CHRNB4: variants seen among roughly 807,000 people sequenced by gnomAD.
The protein encoded by CHRNB4 is cholinergic receptor nicotinic beta 4 subunit.
In CHRNB4, 23 loss-of-function variants were observed where a neutral mutation model predicts 40.4. The ratio of observed to expected loss-of-function variants is 0.57; its 90% confidence interval spans 0.41 to 0.81. The LOEUF is 0.81. CHRNB4 is among the 30% of genes least tolerant of loss of function. The pLI is 0.00. For missense variants in CHRNB4, 568 were observed against 670.6 expected (o/e 0.85, Z 1.69); for synonymous variants, 285 against 274.4 (o/e 1.04, Z -0.38).
Position 78,651,451 on chromosome 15 carries a change from G to A in CHRNB4, c.-16+1127C>T, listed in dbSNP as rs74574746. On this transcript the variant is annotated intron_variant and NMD_transcript_variant, in intron 6 of 11. Transcript: ENST00000559849. The stretch of plus-strand genomic sequence containing the variant: ...ACCCTAAGTCTACCATAGGCATTTT[G>A]TGCAGATCCACAGATGTGGGAGCTC... Among the ~76,000 whole-genome samples, 1,656 of 152,260 alleles carry A rather than the reference G, an allele frequency of 0.011. 218 individuals are homozygous for A. In the East Asian group the frequency reaches 0.28, roughly 26 times the overall value.
chr15:78,653,506 G>A (rs554104390), intron 5 of CHRNB4, among the ~76,000 whole-genome samples: 15 of 152,294 alleles, frequency 9.8e-5, no homozygotes, highest in African/African-American at 3.1e-4. Flanking sequence ...GCCAGGCAAA[G>A]GCTGGCAGTG....
chr15:78,634,348 G>A (rs2053899950), intron 2 of CHRNB4, among the ~76,000 whole-genome samples: 1 of 152,222 alleles, frequency 6.6e-6, no homozygotes, highest in Admixed American at 6.5e-5. Context: ...AACTCATTAA[G>A]CAAGAAGCCC....
At chr15:78,644,147 A>G (rs568547745), upstream of CHRNB4, among the ~76,000 whole-genome samples, 3 of 151,554 alleles carry the variant, frequency 2.0e-5, no homozygotes, top group Admixed American at 2.0e-4. Flanking sequence ...TGGGTGACAG[A>G]GCGAGACTCT....
At chr15:78,651,429 C>T (rs2054170832) in intron 6 of CHRNB4, among the ~76,000 whole-genome samples, 1 of 152,196 alleles carries the variant, frequency 6.6e-6, no homozygotes, top group Non-Finnish European at 1.5e-5. Flanking sequence ...TGCACTGACC[C>T]TAAGTCTACC....
chr15:78,635,166 C>A (rs2053920607), intron 2 of CHRNB4, among the ~76,000 whole-genome samples: 1 of 152,166 alleles, frequency 6.6e-6, no homozygotes, highest in Non-Finnish European at 1.5e-5. Flanking sequence ...GCTGGAGACC[C>A]AGCTGAGCAG....
Position 78,629,425 on chromosome 15 carries a change from G to A in CHRNB4, c.880C>T (p.Leu294Phe), listed in dbSNP as rs761763233. ...GTGAACATGAGGTACTTGCCGATGA[G>A]AGGCACATCGAGGGAGGTGGGTGGC... is the stretch of plus-strand genomic sequence containing the variant. ...IVPPTSLDVP[L>F]IGKYLMFTMV... Residue 294 changes from leucine (L) to phenylalanine (F), a missense_variant, in exon 5 of 6, where the codon CTC becomes TTC. Leu to Phe is a conservative substitution (Grantham distance 22). Coordinates refer to ENST00000261751, the MANE Select transcript of CHRNB4 (RefSeq NM_000750.5). This position sits in a 1 kb window ranked among gnomAD's most constrained non-coding sequence, Gnocchi z 6.8. The A allele has an allele frequency of 1.9e-6, 3 of 1,614,166 alleles. No individual in the cohort carries two copies. The African/African-American group carries it at 4.0e-5, about 22-fold the overall frequency.
chr15:78,625,132 C>T lies in CHRNB4; in HGVS notation c.*1G>A, dbSNP rs1400954703. Reference sequence around the variant, plus strand: ...CTCTCACCCCACAACCCAGGGGGCCCTCAGTCACGCTGGGCAGCGTAGGGC... The same window carrying T: ...CTCTCACCCCACAACCCAGGGGGCCTTCAGTCACGCTGGGCAGCGTAGGGC... On this transcript the variant is annotated 3_prime_UTR_variant, in exon 6 of 6. Coordinates refer to ENST00000261751, the MANE Select transcript of CHRNB4 (RefSeq NM_000750.5). 2.5e-6 allele frequency: 4 copies of T among 1,613,986 alleles called. No homozygotes were observed. The highest frequency in any genetic ancestry group is 1.7e-5 in the Admixed American group (1 of 60,010).
chr15:78,660,781 C>T, upstream of CHRNB4: 1 of 232,556 alleles, frequency 4.3e-6, no homozygotes, highest in Non-Finnish European at 8.5e-6. Context: ...GGGCCCAGGC[C>T]CTACTCCCGA....
intron 5 of CHRNB4, among the ~76,000 whole-genome samples, chr15:78,655,246 C>A (rs1052187260): frequency 2.7e-5 from 4 of 150,936 alleles, no homozygotes; most frequent in Admixed American, 1.3e-4. Flanking sequence ...CTTGCTCTGT[C>A]ACCTAGACTG....
chr15:78,653,046 G>C (rs1273255160), intron 5 of CHRNB4, among the ~76,000 whole-genome samples: 1 of 152,124 alleles, frequency 6.6e-6, no homozygotes, highest in East Asian at 1.9e-4. Context: ...CGCTCATAGG[G>C]TTGGTCTGAG....
Position 78,624,561 on chromosome 15 carries a change from T to C in CHRNB4, c.*572A>G. The stretch of plus-strand genomic sequence containing the variant: ...AGGTGGGTCATTTGAGGTCAGGAGT[T>C]CGAAATCAGCCTGGCCAACAAAAAT... On this transcript the variant is annotated 3_prime_UTR_variant, in exon 6 of 6. Coordinates refer to ENST00000261751, the MANE Select transcript of CHRNB4 (RefSeq NM_000750.5). 1 of 160,244 alleles carries C rather than the reference T, an allele frequency of 6.2e-6. No individual in the cohort carries two copies. The allele number at this position is 160,244 out of a possible 1,614,324, so 9.9% of individuals were successfully genotyped here.
chr15:78,644,851 C>T (rs1400340210), upstream of CHRNB4, among the ~76,000 whole-genome samples: 2 of 152,138 alleles, frequency 1.3e-5, no homozygotes, highest in East Asian at 3.9e-4. Context: ...GTGCAGACAC[C>T]GCTGGTGCCC....
At chr15:78,634,282 G>A (rs1300860144) in intron 2 of CHRNB4, among the ~76,000 whole-genome samples, 2 of 152,210 alleles carry the variant, frequency 1.3e-5, no homozygotes, top group African/African-American at 4.8e-5. Context: ...GTGCGGCAGA[G>A]CCTCCTGCTC....
chr15:78,640,589 TTCTC>T (rs1462369120), intron 1 of CHRNB4, among the ~76,000 whole-genome samples: 6 of 152,258 alleles, frequency 3.9e-5, no homozygotes, highest in South Asian at 2.1e-4. Context: ...GGGAGGGGAC[TTCTC>T]TCTAAGGCTG....
intron 2 of CHRNB4, among the ~76,000 whole-genome samples, chr15:78,634,345 TAAGC>T (rs2053899865): frequency 6.6e-6 from 1 of 152,168 alleles, no homozygotes; most frequent in South Asian, 2.1e-4. Context: ...TTCAACTCAT[TAAGC>T]AAGAAGCCCT....
intron 2 of CHRNB4, among the ~76,000 whole-genome samples, chr15:78,632,861 ACAC>A (rs946940186): frequency 7.2e-5 from 11 of 152,116 alleles, no homozygotes; most frequent in Admixed American, 5.2e-4. Context: ...TTCATTCTGT[ACAC>A]CACCACCACC....
chr15:78,648,308 G>A (rs559373600), intron 7 of CHRNB4, among the ~76,000 whole-genome samples: 3 of 149,634 alleles, frequency 2.0e-5, no homozygotes, highest in African/African-American at 7.4e-5. Context: ...CAGGAGAATG[G>A]CATGAACCTG....
rs2054178430 is a variant in CHRNB4, at chr15:78,652,236, TC to T, written c.-16+341del. Among the ~76,000 whole-genome samples the T allele has an allele frequency of 3.3e-5, 5 of 152,340 alleles. No homozygotes were observed. In the South Asian group the frequency reaches 1.0e-3, roughly 32 times the overall value. ...CCCAGGCCCTGCTGCTCTCTGCTCT[TC>T]CCCTTTCCACCTGTGTGCCTCAGTG... On this transcript the variant is annotated intron_variant and NMD_transcript_variant, in intron 6 of 11. Coordinates refer to the CHRNB4 transcript ENST00000559849.
At chr15:78,657,118 A>G (rs1280946814) in intron 3 of CHRNB4, among the ~76,000 whole-genome samples, 1 of 151,256 alleles carries the variant, frequency 6.6e-6, no homozygotes, top group Non-Finnish European at 1.5e-5. Flanking sequence ...TCTGCCTCCT[A>G]GGTTCAAGTG....
Sources: allele counts gnomAD v4.1 joint callset (sites outside exome capture counted in the v4.1 genomes callset), GRCh38; gene constraint gnomAD v4.1.1; non-coding constraint Gnocchi (gnomAD v3.1); transcripts MANE v1.5; gene names NCBI Gene and HGNC (gene_info 2026-07-23, HGNC 2026-07-21).